PPP5C: variants seen among roughly 807,000 people sequenced by gnomAD.
The protein encoded by PPP5C is serine/threonine-protein phosphatase 5.
Under a neutral mutation model 66.7 loss-of-function variants are expected in PPP5C, and 21 were observed. The ratio of observed to expected loss-of-function variants is 0.31; its 90% CI spans 0.22 to 0.45. The LOEUF is 0.45. PPP5C is among the 20% of genes least tolerant of loss of function. The pLI is 1.00. For synonymous variants in PPP5C, 246 were observed against 257.4 expected (o/e 0.96, Z 0.43); for missense variants, 464 against 675.9 (o/e 0.69, Z 3.48).
rs758489583 is a variant in PPP5C, at chr19:46,383,843, G to A, written c.763G>A (p.Glu255Lys). The change falls in exon 6 of 13, where the codon GAG becomes AAG. Residue 255 changes from glutamate to lysine, a missense_variant. By Grantham distance (56) the Glu-to-Lys change is moderately conservative. Transcript: ENST00000012443. The surrounding 1 kb of genome is among the most constrained non-coding windows in gnomAD (Gnocchi z 5.0). ...GQFYDLLNIF[E>K]LNGLPSETNP... ...GTTCTATGACCTCCTCAACATATTC[G>A]AGCTCAACGGTTTACCCTCGGAGAC... is the stretch of plus-strand genomic sequence containing the variant. 3.1e-6 allele frequency: 5 copies of A among 1,613,794 alleles called. No homozygotes were observed. Among genetic ancestry groups the A allele is most frequent in the South Asian group, 1.1e-5 (1 of 91,074 alleles).
chr19:46,380,605 T>C (rs1302337114), intron 4 of PPP5C, among the ~76,000 whole-genome samples: 1 of 152,242 alleles, frequency 6.6e-6, no homozygotes, highest in Non-Finnish European at 1.5e-5. Flanking sequence ...ACGTCTGCTG[T>C]AGACTAATTC....
Position 46,390,082 on chromosome 19 carries a change from C to T in PPP5C, c.1387C>T (p.His463Tyr). The T allele has an allele frequency of 1.2e-6, 2 of 1,614,206 alleles. No individual in the cohort carries two copies. The highest frequency in any genetic ancestry group is 1.7e-6 in the Non-Finnish European group (2 of 1,180,024). ...GATGGGGAACAAAGCCTCCTACATC[C>T]ACCTCCAGGGCTCTGACCTACGGCC... is the stretch of plus-strand genomic sequence containing the variant. ...DQMGNKASYI[H>Y]LQGSDLRPQF... is the part of the protein sequence containing the mutation. The change falls in exon 12 of 13, where the codon CAC becomes TAC. Residue 463 changes from histidine (H) to tyrosine (Y), a missense_variant. Physicochemically the swap from His to Tyr is moderately conservative, Grantham distance 83. Around this residue, in one of 2 missense-constraint regions of PPP5C, gnomAD observed 387 missense variants for 626.0 expected, o/e 0.62. Coordinates refer to ENST00000012443, the MANE Select transcript of PPP5C (RefSeq NM_006247.4).
chr19:46,360,904 G>A lies in PPP5C; in HGVS notation c.363+6915G>A, dbSNP rs571198267. ...TAATATAGTCATTCATTTAGCCAAA[G>A]TGTTAATTAGAAGATTTCAAAAAGC... On this transcript the variant is annotated intron_variant, in intron 2 of 12. Transcript: ENST00000012443. Among the ~76,000 whole-genome samples the A allele has an allele frequency of 4.6e-5, 7 of 152,262 alleles. 1 individual carries two copies. Among genetic ancestry groups the A allele is most frequent in the Admixed American group, 1.3e-4 (2 of 15,296 alleles).
intron 2 of PPP5C, among the ~76,000 whole-genome samples, chr19:46,363,115 C>G (rs1444834569): frequency 6.8e-6 from 1 of 148,112 alleles, no homozygotes; most frequent in Admixed American, 6.7e-5. Flanking sequence ...AAAACCATCC[C>G]GGCTAAAACG....
chr19:46,368,421 T>C (rs1032775312), intron 2 of PPP5C, among the ~76,000 whole-genome samples: 3 of 152,244 alleles, frequency 2.0e-5, no homozygotes, highest in Non-Finnish European at 4.4e-5. Flanking sequence ...TTGCTTTCAG[T>C]TGGCAAGGCC....
intron 2 of PPP5C, among the ~76,000 whole-genome samples, chr19:46,372,807 A>G (rs562220123): frequency 1.3e-5 from 2 of 152,112 alleles, no homozygotes; most frequent in Admixed American, 1.3e-4. Context: ...ATACAATCCA[A>G]CTGCCACTTT....
chr19:46,383,114 C>T lies in PPP5C; in HGVS notation c.634-297C>T, dbSNP rs1281037450. The T allele has an allele frequency of 1.3e-5, 16 of 1,276,584 alleles. No homozygotes were observed. Among genetic ancestry groups the T allele is most frequent in the South Asian group, 4.4e-5 (3 of 67,844 alleles). 79.1% of individuals were successfully genotyped at this position (1,276,584 alleles called of 1,614,324 possible). ...GCCAGTTCTTTTATAAAATGTTCTA[C>T]GATCTGGATTCATGCATGTATTTCC... On this transcript the variant is annotated intron_variant, in intron 4 of 12. Transcript: ENST00000012443. The surrounding 1 kb of genome is among the most constrained non-coding windows in gnomAD (Gnocchi z 5.0).
rs1477627523 is a variant in PPP5C, at chr19:46,384,879, C to G, written c.874C>G (p.Leu292Val). Residue 292 changes from leucine (L) to valine (V), a missense_variant, in exon 7 of 13, where the codon CTG becomes GTG. Leu to Val is a conservative substitution (Grantham distance 32). This residue lies in a region of PPP5C where 387 missense variants were observed against 626.0 expected (regional missense o/e 0.62). Coordinates refer to ENST00000012443, the MANE Select transcript of PPP5C (RefSeq NM_006247.4). ...VILTLFGFKL[L>V]YPDHFHLLRG... ...CCTCACCCTTTTCGGCTTCAAGCTCCTGTACCCAGATCACTTTCACCTCCT... is the reference window on the plus strand; with the variant it reads ...CCTCACCCTTTTCGGCTTCAAGCTCGTGTACCCAGATCACTTTCACCTCCT... 1 of 1,614,142 alleles carries G rather than the reference C, an allele frequency of 6.2e-7. No individual in the cohort carries two copies. Among genetic ancestry groups the G allele is most frequent in the Non-Finnish European group, 8.5e-7 (1 of 1,179,988 alleles).
chr19:46,381,083 G>A (rs1972783000), intron 4 of PPP5C, among the ~76,000 whole-genome samples: 1 of 152,030 alleles, frequency 6.6e-6, no homozygotes, highest in African/African-American at 2.4e-5. Context: ...ATGTATTTCA[G>A]TTCAGATAAT....
Position 46,353,980 on chromosome 19 carries a change from C to G in PPP5C, c.354C>G (p.Asp118Glu). 6.2e-7 allele frequency: 1 copy of G among 1,611,180 alleles called. No individual in the cohort carries two copies. Among genetic ancestry groups the G allele is most frequent in the Non-Finnish European group, 8.5e-7 (1 of 1,179,394 alleles). ...GCAAGTTCCGGGCCGCGCTGCGAGACTACGAGACGGTGAGCTGGGGAGTGG... is the reference window on the plus strand; with the variant it reads ...GCAAGTTCCGGGCCGCGCTGCGAGAGTACGAGACGGTGAGCTGGGGAGTGG... ...ALGKFRAALRDYETVVKVKPH... is the reference protein window; with the variant it reads ...ALGKFRAALREYETVVKVKPH... Residue 118 changes from aspartate to glutamate, a missense_variant, in exon 2 of 13, where the codon GAC becomes GAG. Coordinates refer to ENST00000012443, the MANE Select transcript of PPP5C (RefSeq NM_006247.4).
chr19:46,370,198 T>C (rs576193431), intron 2 of PPP5C, among the ~76,000 whole-genome samples: 61 of 152,364 alleles, frequency 4.0e-4, no homozygotes, highest in African/African-American at 1.4e-3. Flanking sequence ...TTTTTAAAAC[T>C]TTCTCACTTT....
rs35992791 is a variant in PPP5C, at chr19:46,348,307, A to AT, written c.121+1112dup. ...GAGTCATTACAAAGACCAGTTTGGA[A>AT]TTTTTTTTTTTTTTTTTTTTTTGAG... On this transcript the variant is annotated intron_variant, in intron 1 of 12. Coordinates refer to ENST00000012443, the MANE Select transcript of PPP5C (RefSeq NM_006247.4). 3.6e-3 allele frequency among the ~76,000 whole-genome samples: 395 copies of AT among 111,226 alleles called. 2 individuals are homozygous for AT. Among genetic ancestry groups the AT allele is most frequent in the East Asian group, 0.011 (43 of 3,956 alleles). 73.0% of individuals were successfully genotyped at this position (111,226 alleles called of 152,430 possible). A position where few individuals can be genotyped will look rare whatever the true frequency, so the allele number is the denominator to read the frequency against.
At chr19:46,382,824 G>T in intron 4 of PPP5C, 1 of 1,034,596 alleles carries the variant, frequency 9.7e-7, no homozygotes, top group Non-Finnish European at 1.2e-6. Context: ...CGGAAAATCT[G>T]GAAACATTGA....
At chr19:46,353,703 G>T (rs372189015) in intron 1 of PPP5C, 45 bp from the exon 2 acceptor site, 5 of 1,610,270 alleles carry the variant, frequency 3.1e-6, no homozygotes, top group East Asian at 2.2e-5. Flanking sequence ...GCCTGTCCTC[G>T]CAGGGTTGGA....
intron 1 of PPP5C, among the ~76,000 whole-genome samples, chr19:46,352,713 G>C (rs949360344): frequency 2.0e-5 from 3 of 151,956 alleles, no homozygotes; most frequent in Non-Finnish European, 4.4e-5. Flanking sequence ...CCAGCTGCTC[G>C]GGGGGCTAAG....
intron 1 of PPP5C, 34 bp from the exon 2 acceptor site, chr19:46,353,714 G>A: frequency 6.2e-7 from 1 of 1,613,114 alleles, no homozygotes; most frequent in Non-Finnish European, 8.5e-7. Flanking sequence ...CAGGGTTGGA[G>A]CACTGCCTCA....
chr19:46,385,778 T>TA (rs924225395), intron 7 of PPP5C, among the ~76,000 whole-genome samples: 130 of 114,116 alleles, frequency 1.1e-3, no homozygotes, highest in South Asian at 4.6e-3. Context: ...AGACTCAGTC[T>TA]AAAAAAAAAA....
chr19:46,386,452 C>T (rs1972888542), intron 7 of PPP5C, among the ~76,000 whole-genome samples: 1 of 144,924 alleles, frequency 6.9e-6, no homozygotes, highest in Non-Finnish European at 1.6e-5. Context: ...GTGCTCAGGC[C>T]GAGAAGTCAG....
chr19:46,377,455 ATGT>A (rs1972714872), intron 4 of PPP5C, among the ~76,000 whole-genome samples: 2 of 152,238 alleles, frequency 1.3e-5, no homozygotes, highest in African/African-American at 4.8e-5. Flanking sequence ...GCTGTTGATC[ATGT>A]TGTTAAAGGT....
Sources: gnomAD v4.1 joint callset for allele counts (sites outside exome capture counted in the v4.1 genomes callset) on GRCh38, gnomAD v4.1.1 for gene constraint, gnomAD v4.1.1 regional missense constraint, Gnocchi (gnomAD v3.1) non-coding constraint, MANE v1.5 for transcripts, NCBI Gene and HGNC (gene_info 2026-07-23, HGNC 2026-07-21) for gene names.